CEP295: variants seen among roughly 807,000 people sequenced by gnomAD.
The protein encoded by CEP295 is centrosomal protein of 295 kDa.
In CEP295, 190 loss-of-function variants were observed where a neutral mutation model predicts 291.6. The ratio of observed to expected loss-of-function variants is 0.65; its 90% CI spans 0.58 to 0.73. CEP295 has a LOEUF of 0.73. CEP295 is among the 30% of genes least tolerant of loss of function. The probability of loss-of-function intolerance (pLI) is 0.00; values close to 1 mark genes in which losing one functional copy is unlikely to be tolerated. For missense variants in CEP295, 2,863 were observed against 2,949.4 expected (o/e 0.97, Z 0.68); for synonymous variants, 993 against 1,038.8 (o/e 0.96, Z 0.85).
At chr11:93,691,372 T>C (rs1275208926) in intron 10 of CEP295, among the ~76,000 whole-genome samples, 1 of 152,268 alleles carries the variant, frequency 6.6e-6, no homozygotes, top group Non-Finnish European at 1.5e-5. Flanking sequence ...TGTTAGCTTC[T>C]CCTTTTTAAC....
rs568587764 is a variant in CEP295, at chr11:93,664,011, A to G, written c.-27+2237A>G. Among the ~76,000 whole-genome samples, 37 of 152,092 alleles carry G rather than the reference A, an allele frequency of 2.4e-4. 1 individual carries two copies. The highest frequency in any genetic ancestry group is 7.2e-4 in the African/African-American group (30 of 41,492). ...CTTCCAGTAAGGTAACTTTATTTTT[A>G]CCTCTCATGGATTAGTTCTGCTTGT... is the stretch of plus-strand genomic sequence containing the variant. On this transcript the variant is annotated intron_variant, in intron 1 of 29. Coordinates refer to ENST00000325212, the MANE Select transcript of CEP295 (RefSeq NM_033395.2).
rs755406375 is a variant in CEP295, at chr11:93,722,009, T to C, written c.5906T>C (p.Leu1969Pro). The change falls in exon 20 of 30, where the codon CTT becomes CCT. Residue 1969 changes from leucine (L) to proline (P), a missense_variant. Leu to Pro is a moderately conservative substitution (Grantham distance 98). Coordinates refer to ENST00000325212, the MANE Select transcript of CEP295 (RefSeq NM_033395.2). ...TCAGCAACTGTTTCCACTGGGAGCC[T>C]TTTAAGTTATGAAAACACAGATTTG... ...LSSATVSTGS[L>P]LSYENTDLSL... is the part of the protein sequence containing the mutation. 4.7e-5 allele frequency: 74 copies of C among 1,567,260 alleles called. No individual in the cohort carries two copies. Among genetic ancestry groups the C allele is most frequent in the Non-Finnish European group, 6.1e-5 (70 of 1,153,286 alleles).
chr11:93,667,658 CAG>C lies in CEP295; in HGVS notation c.163_164del (p.Arg55GlufsTer49), dbSNP rs1464608105. On this transcript the variant is annotated frameshift_variant, in exon 3 of 30. Transcript: ENST00000325212. LOFTEE classifies it high-confidence loss of function. ...IALQIREDIK[Q>X]RRNQQFTRLA... ...CTTACAGATAAGAGAAGACATAAAA[CAG>C]AGGAGAAATCAACAATTTACACGTT... is the stretch of plus-strand genomic sequence containing the variant. The C allele has an allele frequency of 6.4e-6, 10 of 1,551,146 alleles. No homozygotes were observed. The Admixed American group carries it at 9.8e-5, about 15-fold the overall frequency.
chr11:93,726,072 T>C (rs1361166362), intron 23 of CEP295, among the ~76,000 whole-genome samples: 1 of 152,240 alleles, frequency 6.6e-6, no homozygotes, highest in African/African-American at 2.4e-5. Flanking sequence ...TCAATCATTA[T>C]GTGATAGTTA....
At chr11:93,715,917 C>T (rs575674815) in intron 18 of CEP295, among the ~76,000 whole-genome samples, 44 of 151,958 alleles carry the variant, frequency 2.9e-4, no homozygotes, top group Non-Finnish European at 5.3e-4. Context: ...GAGGGGGTCT[C>T]TTTTGGAGCT....
At chr11:93,678,951 G>T (rs751565526) in intron 6 of CEP295, among the ~76,000 whole-genome samples, 1 of 152,108 alleles carries the variant, frequency 6.6e-6, no homozygotes, top group Non-Finnish European at 1.5e-5. Flanking sequence ...CCGCCTCCCG[G>T]GCTCAAGTGA....
intron 25 of CEP295, chr11:93,729,220 C>CCAA: frequency 1.7e-6 from 1 of 589,798 alleles, no homozygotes; most frequent in East Asian, 2.8e-5. Context: ...GCAGTGGAGC[C>CCAA]TAAGCCCAGT....
chr11:93,697,711 G>A lies in CEP295; in HGVS notation c.2799G>A (p.Gln933=), dbSNP rs1266622218. 3 of 1,551,556 alleles carry A rather than the reference G, an allele frequency of 1.9e-6. No individual in the cohort carries two copies. The highest frequency in any genetic ancestry group is 2.7e-5 in the African/African-American group (2 of 73,050). The change falls in exon 15 of 30, where the codon CAG becomes CAA. Residue 933 remains glutamine (Q), a synonymous_variant. Transcript: ENST00000325212. ...SSDHHVISQL[Q]DKRLSLSQPI... ...ACCATCATGTGATCTCACAACTTCA[G>A]GATAAGCGTTTGAGTCTTTCACAGC...
At chr11:93,716,671 C>G (rs1246652449) in intron 18 of CEP295, among the ~76,000 whole-genome samples, 1 of 152,228 alleles carries the variant, frequency 6.6e-6, no homozygotes, top group Admixed American at 6.5e-5. Context: ...TAGCTTGAAG[C>G]AAGCTTACAG....
intron 2 of CEP295, 33 bp downstream of exon 2, chr11:93,666,848 C>A: frequency 8.8e-7 from 1 of 1,140,454 alleles, no homozygotes; most frequent in Admixed American, 2.2e-5. Context: ...TTTTAAATTC[C>A]TTTCTTCCTC....
In CEP295 at chr11:93,695,633, G is replaced by C; in HGVS notation, c.1670G>C (p.Gly557Ala). The C allele has an allele frequency of 1.3e-6, 2 of 1,489,020 alleles. No homozygotes were observed. The allele number at this position is 1,489,020 out of a possible 1,614,324, so 92.2% of individuals were successfully genotyped here. ...AAAAGAAAAAAAACTCAACCGACTG[G>C]GGTAGGATGCAGAAAATCTCATCAC... ...EEKRKKTQPTGVGIAPASCPV... is the reference protein window; with the variant it reads ...EEKRKKTQPTAVGIAPASCPV... Residue 557 changes from glycine (G) to alanine (A), a missense_variant and splice_region_variant, in exon 13 of 30, where the codon GGG becomes GCG. Around this residue, in one of 3 missense-constraint regions of CEP295, gnomAD observed 2,295 missense variants for 2,335.7 expected, o/e 0.98. Coordinates refer to ENST00000325212, the MANE Select transcript of CEP295 (RefSeq NM_033395.2).
At chr11:93,674,681 A>T (rs1378907721) in intron 5 of CEP295, among the ~76,000 whole-genome samples, 1 of 151,518 alleles carries the variant, frequency 6.6e-6, no homozygotes. Flanking sequence ...GACTTTGCTA[A>T]GTTTTCACTA....
intron 6 of CEP295, among the ~76,000 whole-genome samples, chr11:93,678,942 C>T (rs1016234948): frequency 1.1e-4 from 16 of 152,082 alleles, no homozygotes; most frequent in African/African-American, 2.9e-4. Context: ...CTGGAACTTC[C>T]GCCTCCCGGG....
In CEP295 at chr11:93,696,109, G is replaced by A. The variant is rs61921271; in HGVS notation, c.1672-211G>A. On this transcript the variant is annotated intron_variant, in intron 13 of 29. Transcript: ENST00000325212. ...GTTTCTATAGGATACTAATAGATACGACCATGGTTTGTAGGTAATGCGTAT... is the reference window on the plus strand; with the variant it reads ...GTTTCTATAGGATACTAATAGATACAACCATGGTTTGTAGGTAATGCGTAT... Among the ~76,000 whole-genome samples, 1,434 of 152,126 alleles carry A rather than the reference G, an allele frequency of 9.4e-3. 12 individuals carry two copies. Among genetic ancestry groups the A allele is most frequent in the Non-Finnish European group, 0.014 (938 of 68,018 alleles).
At chr11:93,705,559 ACT>A (rs1428030167) in intron 17 of CEP295, among the ~76,000 whole-genome samples, 7 of 151,334 alleles carry the variant, frequency 4.6e-5, no homozygotes, top group Non-Finnish European at 8.8e-5. Context: ...CTAAAAGGTT[ACT>A]CTTTTTCTCT....
intron 7 of CEP295, 110 bp downstream of exon 7, chr11:93,679,662 T>C (rs1950867149): frequency 3.8e-6 from 3 of 792,286 alleles, no homozygotes; most frequent in Non-Finnish European, 5.5e-6. Flanking sequence ...GTGTTCAATA[T>C]AGTCTCTGAT....
At position 93,729,638 on chromosome 11, in the gene CEP295, T is replaced by C. The variant is rs1416523656; in HGVS notation, c.7424T>C (p.Val2475Ala). 2 of 1,550,782 alleles carry C rather than the reference T, an allele frequency of 1.3e-6. No homozygotes were observed. The highest frequency in any genetic ancestry group is 2.4e-5 in the South Asian group (2 of 83,906). ...GAAACCCCTCGCAGGCTTACACCTG[T>C]ACCAGGGAGCTTACAAGAAGCATTT... Reference protein sequence around the residue: ...STETPRRLTPVPGSLQEAFIK... With the variant: ...STETPRRLTPAPGSLQEAFIK... The change falls in exon 27 of 30, where the codon GTA (valine) becomes GCA (alanine). Residue 2475 changes from valine (V) to alanine (A), a missense_variant. Val to Ala is a moderately conservative substitution (Grantham distance 64). Coordinates refer to ENST00000325212, the MANE Select transcript of CEP295 (RefSeq NM_033395.2).
At chr11:93,693,770 G>A (rs572625206) in intron 12 of CEP295, among the ~76,000 whole-genome samples, 80 of 152,002 alleles carry the variant, frequency 5.3e-4, no homozygotes, top group Non-Finnish European at 9.9e-4. Flanking sequence ...AAGAAAAAAA[G>A]AAAAAAAGAA....
At chr11:93,692,081 A>T (rs931324262) in intron 12 of CEP295, 51 bp downstream of exon 12, 2 of 1,028,686 alleles carry the variant, frequency 1.9e-6, no homozygotes, top group African/African-American at 1.6e-5. Context: ...AGGTACTATT[A>T]TATAATTTTG....
Sources: allele counts gnomAD v4.1 joint callset (sites outside exome capture counted in the v4.1 genomes callset), GRCh38; gene constraint gnomAD v4.1.1; regional missense constraint gnomAD v4.1.1; transcripts MANE v1.5; gene names NCBI Gene and HGNC (gene_info 2026-07-23, HGNC 2026-07-21).